CCNY: variants seen among roughly 807,000 people sequenced by gnomAD.
CCNY encodes cyclin-Y.
Under a neutral mutation model 42.8 loss-of-function variants are expected in CCNY, and 19 were observed. That is an observed-to-expected ratio of 0.44 (90% CI 0.31 to 0.65). CCNY has a LOEUF of 0.65. CCNY is among the 30% of genes least tolerant of loss of function. The probability of loss-of-function intolerance (pLI) is 0.07; values close to 1 mark genes in which losing one functional copy is unlikely to be tolerated. For missense variants in CCNY, 370 were observed against 437.3 expected (o/e 0.85, Z 1.37); for synonymous variants, 165 against 162.7 (o/e 1.01, Z -0.11).
At chr10:35,270,169 A>G (rs1835145371) in intron 3 of CCNY, among the ~76,000 whole-genome samples, 1 of 152,092 alleles carries the variant, frequency 6.6e-6, no homozygotes, top group South Asian at 2.1e-4. Flanking sequence ...CCCTTACTCC[A>G]ATTGCCCTTA....
intron 3 of CCNY, among the ~76,000 whole-genome samples, chr10:35,324,539 A>T (rs1835857603): frequency 6.6e-6 from 1 of 152,262 alleles, no homozygotes; most frequent in Non-Finnish European, 1.5e-5. Context: ...GGTCTCAAGG[A>T]GCTGAAGATC....
At chr10:35,501,762 A>G (rs73266785) in intron 3 of CCNY, 3 of 468,920 alleles carry the variant, frequency 6.4e-6, no homozygotes, top group Non-Finnish European at 1.1e-5. Context: ...TGTTCATGAG[A>G]TGATGTGTGT....
chr10:35,448,890 C>T (rs1365990504), intron 1 of CCNY, among the ~76,000 whole-genome samples: 1 of 151,998 alleles, frequency 6.6e-6, no homozygotes, highest in Non-Finnish European at 1.5e-5. Context: ...AATGGAGTAT[C>T]CCCAGGGGGT....
intron 1 of CCNY, among the ~76,000 whole-genome samples, chr10:35,359,683 C>G (rs1836640147): frequency 6.6e-6 from 1 of 152,082 alleles, no homozygotes; most frequent in South Asian, 2.1e-4. Flanking sequence ...TAGGCACATT[C>G]ACATTGCTGT....
chr10:35,283,549 A>C (rs536406608), intron 3 of CCNY, among the ~76,000 whole-genome samples: 24 of 152,138 alleles, frequency 1.6e-4, no homozygotes, highest in African/African-American at 5.5e-4. Context: ...GACCACAGGC[A>C]CGTGCCACCA....
intron 3 of CCNY, among the ~76,000 whole-genome samples, chr10:35,310,508 A>T (rs999396004): frequency 6.6e-6 from 1 of 152,170 alleles, no homozygotes; most frequent in African/African-American, 2.4e-5. Context: ...TGGCTGTATT[A>T]ACTCACATTC....
At chr10:35,393,750 T>TATC (rs1036595822) in intron 1 of CCNY, among the ~76,000 whole-genome samples, 14 of 152,100 alleles carry the variant, frequency 9.2e-5, no homozygotes, top group African/African-American at 3.4e-4. Flanking sequence ...ATTGGATGAG[T>TATC]ATCATCAGGA....
chr10:35,352,849 C>A (rs1165593201), intron 1 of CCNY, among the ~76,000 whole-genome samples: 1 of 152,110 alleles, frequency 6.6e-6, no homozygotes, highest in Non-Finnish European at 1.5e-5. Flanking sequence ...GAGGCAGAGG[C>A]CGGTAAGGCC....
intron 3 of CCNY, chr10:35,320,959 A>G: frequency 6.6e-6 from 1 of 152,576 alleles, no homozygotes; most frequent in Non-Finnish European, 1.5e-5. Context: ...AAGACCAAAA[A>G]AAAAAAAATT....
At chr10:35,408,700 A>G (rs939768681) in intron 1 of CCNY, among the ~76,000 whole-genome samples, 1 of 152,150 alleles carries the variant, frequency 6.6e-6, no homozygotes, top group African/African-American at 2.4e-5. Context: ...CTGGATGTAT[A>G]CGTGCAGGTC....
At chr10:35,407,585 A>G (rs1837807797) in intron 1 of CCNY, among the ~76,000 whole-genome samples, 1 of 152,146 alleles carries the variant, frequency 6.6e-6, no homozygotes, top group Admixed American at 6.5e-5. Flanking sequence ...TTTTCTGGCT[A>G]TTTGGAACCA....
At position 35,572,590 on chromosome 10, in the gene CCNY, A is replaced by T. The variant is rs1841709424; in HGVS notation, c.*3420A>T. On this transcript the variant is annotated 3_prime_UTR_variant, in exon 10 of 10. Transcript: ENST00000374704. The stretch of plus-strand genomic sequence containing the variant: ...CCACTGCCCCTGGCCCAGATTTGAA[A>T]TTTTTTAAAAATAAAACATGATTCT... 6.6e-6 allele frequency: 1 copy of T among 152,262 alleles called. No homozygotes were observed. 9.4% of individuals were successfully genotyped at this position (152,262 alleles called of 1,614,324 possible).
intron 1 of CCNY, among the ~76,000 whole-genome samples, chr10:35,428,909 C>G (rs1409736812): frequency 1.3e-5 from 2 of 152,148 alleles, no homozygotes; most frequent in East Asian, 3.9e-4. Context: ...GGGCAGCAAG[C>G]CTTTGGGCCC....
intron 3 of CCNY, among the ~76,000 whole-genome samples, chr10:35,301,388 T>A (rs1835531445): frequency 6.6e-6 from 1 of 152,190 alleles, no homozygotes. Flanking sequence ...AAGACTTTCC[T>A]GGAAATGTTT....
intron 3 of CCNY, among the ~76,000 whole-genome samples, chr10:35,262,706 G>T (rs922103957): frequency 6.6e-6 from 1 of 151,972 alleles, no homozygotes; most frequent in African/African-American, 2.4e-5. Context: ...ATTGATATTG[G>T]GACTGGGGAG....
chr10:35,455,344 TC>T (rs1172237312), intron 1 of CCNY: 1 of 152,226 alleles, frequency 6.6e-6, no homozygotes, highest in Non-Finnish European at 1.5e-5. Context: ...ATTTTTCTAC[TC>T]CTGTTCTCTA....
At chr10:35,354,336 C>T (rs1836495479) in intron 1 of CCNY, among the ~76,000 whole-genome samples, 1 of 152,048 alleles carries the variant, frequency 6.6e-6, no homozygotes. Flanking sequence ...CAGGCGCCCA[C>T]CACCACGCCT....
At chr10:35,371,237 G>A (rs545585724) in intron 1 of CCNY, among the ~76,000 whole-genome samples, 18 of 152,228 alleles carry the variant, frequency 1.2e-4, no homozygotes, top group African/African-American at 4.1e-4. Flanking sequence ...AGTGGCTGAC[G>A]GATGAGAGGT....
At chr10:35,556,198 G>A (rs1841359413) in intron 8 of CCNY, among the ~76,000 whole-genome samples, 1 of 152,160 alleles carries the variant, frequency 6.6e-6, no homozygotes, top group South Asian at 2.1e-4. Flanking sequence ...AAGGAAGGAG[G>A]CATTCAGGAA....
Sources: allele counts gnomAD v4.1 joint callset (sites outside exome capture counted in the v4.1 genomes callset), GRCh38; gene constraint gnomAD v4.1.1; transcripts MANE v1.5; gene names NCBI Gene and HGNC (gene_info 2026-07-23, HGNC 2026-07-21).